PTPN18: variants seen among roughly 807,000 people sequenced by gnomAD.
The protein encoded by PTPN18 is tyrosine-protein phosphatase non-receptor type 18.
A neutral mutation model predicts 65.4 loss-of-function variants in PTPN18; 65 were observed. That is an observed-to-expected ratio of 0.99 (90% CI 0.81 to 1.22). The LOEUF (loss-of-function observed/expected upper bound fraction) is 1.22, where lower values mean the gene tolerates loss of function less well. Among genes scored for constraint, PTPN18 ranks in the 50% most tolerant of loss-of-function variants. The pLI, the probability that PTPN18 is intolerant of heterozygous loss-of-function variation, is 0.00. For synonymous variants in PTPN18, 255 were observed against 267.8 expected, an observed-to-expected ratio of 0.95 and a Z score of 0.47; for missense variants, 616 against 646.5, an observed-to-expected ratio of 0.95 and a Z score of 0.51.
intron 13 of PTPN18, 99 bp downstream of exon 13, chr2:130,372,582 AC>A: frequency 7.5e-7 from 1 of 1,340,180 alleles, no homozygotes; most frequent in Non-Finnish European, 9.8e-7. Flanking sequence ...GGCCGCGGGG[AC>A]CCCAGCCGCT....
chr2:130,361,095 C>A (rs1179131579), intron 5 of PTPN18, among the ~76,000 whole-genome samples: 1 of 152,158 alleles, frequency 6.6e-6, no homozygotes, highest in African/African-American at 2.4e-5. Flanking sequence ...GGTCAACTGA[C>A]AGACTTTTTA....
intron 13 of PTPN18, 102 bp from the exon 14 acceptor site, chr2:130,372,771 C>T (rs1444910722): frequency 1.4e-6 from 2 of 1,406,770 alleles, no homozygotes; most frequent in African/African-American, 2.9e-5. Context: ...GCGCCCTCGG[C>T]TCTCCCCTTC....
Position 130,372,899 on chromosome 2 carries a change from T to A in PTPN18, c.1267T>A (p.Ser423Thr). ...TCCTGCTGACCAAAGTCCTGCCGGA[T>A]CTGGCGCCTACGAGGACGTGGCGGG... ...RVPADQSPAG[S>T]GAYEDVAGGA... Residue 423 changes from serine (S) to threonine (T), a missense_variant, in exon 14 of 15, where the codon TCT becomes ACT. Around this residue, in one of 3 missense-constraint regions of PTPN18, gnomAD observed 368 missense variants for 386.7 expected, o/e 0.95. Coordinates refer to ENST00000175756, the MANE Select transcript of PTPN18 (RefSeq NM_014369.4). 6.8e-6 allele frequency: 11 copies of A among 1,614,134 alleles called. 2 individuals are homozygous for A. In the Middle Eastern group the frequency reaches 1.8e-3, roughly 266 times the overall value.
intron 5 of PTPN18, among the ~76,000 whole-genome samples, chr2:130,364,325 A>G (rs1373602503): frequency 2.0e-5 from 3 of 152,216 alleles, no homozygotes; most frequent in Admixed American, 6.5e-5. Context: ...ACACTAATAT[A>G]CAATACTTGT....
chr2:130,360,238 A>G (rs780835998), intron 5 of PTPN18, among the ~76,000 whole-genome samples: 1 of 152,240 alleles, frequency 6.6e-6, no homozygotes, highest in Non-Finnish European at 1.5e-5. Context: ...CAAATGTATT[A>G]TGTACATTGT....
Position 130,370,701 on chromosome 2 carries a change from C to G in PTPN18, c.757-4C>G. The G allele has an allele frequency of 6.2e-7, 1 of 1,614,170 alleles. No individual in the cohort carries two copies. Among genetic ancestry groups the G allele is most frequent in the Admixed American group, 1.7e-5 (1 of 60,030 alleles). ...TGCTCAAGTGCCTTGTCTGTCTGCCCCAGATGATCCCACCTGACTTCAGTC... is the reference window on the plus strand; with the variant it reads ...TGCTCAAGTGCCTTGTCTGTCTGCCGCAGATGATCCCACCTGACTTCAGTC... On this transcript the variant is annotated splice_polypyrimidine_tract_variant and splice_region_variant and intron_variant, in intron 9 of 14. Transcript: ENST00000175756.
Position 130,374,811 on chromosome 2 carries a change from C to G in PTPN18, c.*1587C>G, listed in dbSNP as rs1012343726. 7.0e-6 allele frequency: 3 copies of G among 425,952 alleles called. No individual in the cohort carries two copies. Among genetic ancestry groups the G allele is most frequent in the Admixed American group, 2.6e-5 (1 of 38,220 alleles). The allele number at this position is 425,952 out of a possible 1,614,324, so 26.4% of individuals were successfully genotyped here. On this transcript the variant is annotated 3_prime_UTR_variant, in exon 15 of 15. Coordinates refer to ENST00000175756, the MANE Select transcript of PTPN18 (RefSeq NM_014369.4). ...GCCTCTGCCTGGCTGCATCCATGGT[C>G]GATCTCAAGTGCCTTGGCATGAACT...
chr2:130,360,780 C>G (rs751059377), intron 5 of PTPN18, among the ~76,000 whole-genome samples: 3 of 151,752 alleles, frequency 2.0e-5, no homozygotes, highest in African/African-American at 4.8e-5. Flanking sequence ...TTCAAAGAAC[C>G]TGCTTTGGTT....
chr2:130,358,802 G>A, intron 1 of PTPN18, 65 bp from the exon 2 acceptor site: 1 of 1,393,634 alleles, frequency 7.2e-7, no homozygotes, highest in Middle Eastern at 1.8e-4. Context: ...TAGGTGGCCT[G>A]GGACTCTGAC....
At chr2:130,364,759 G>C (rs185210328) in intron 5 of PTPN18, among the ~76,000 whole-genome samples, 98 of 152,336 alleles carry the variant, frequency 6.4e-4, no homozygotes, top group Admixed American at 1.4e-3. Context: ...TCGCACCACC[G>C]CACTCCAGCC....
At chr2:130,368,403 C>T (rs774983338) in intron 5 of PTPN18, among the ~76,000 whole-genome samples, 9 of 152,130 alleles carry the variant, frequency 5.9e-5, no homozygotes, top group African/African-American at 1.7e-4. Flanking sequence ...TTAATTTAGC[C>T]GTACTTCTAA....
At chr2:130,360,653 G>A (rs1299701096) in intron 5 of PTPN18, among the ~76,000 whole-genome samples, 1 of 152,148 alleles carries the variant, frequency 6.6e-6, no homozygotes, top group Non-Finnish European at 1.5e-5. Flanking sequence ...CAGTGGCAGA[G>A]TTGAGTAGTT....
chr2:130,366,954 G>T (rs1231404993), intron 5 of PTPN18, among the ~76,000 whole-genome samples: 2 of 151,280 alleles, frequency 1.3e-5, no homozygotes, highest in Non-Finnish European at 2.9e-5. Flanking sequence ...CTGCCAAGTA[G>T]TTGGGAGTAC....
At chr2:130,363,183 T>C (rs748599022) in intron 5 of PTPN18, among the ~76,000 whole-genome samples, 1 of 149,136 alleles carries the variant, frequency 6.7e-6, no homozygotes, top group African/African-American at 2.4e-5. Flanking sequence ...ACATGGTGGC[T>C]CATGCCTGTA....
chr2:130,366,865 T>C (rs748034411), intron 5 of PTPN18, among the ~76,000 whole-genome samples: 1 of 151,990 alleles, frequency 6.6e-6, no homozygotes, highest in Non-Finnish European at 1.5e-5. Context: ...CACTCTGTCA[T>C]ACAGGCTGGA....
At chr2:130,361,526 C>A (rs1236832061) in intron 5 of PTPN18, among the ~76,000 whole-genome samples, 1 of 131,470 alleles carries the variant, frequency 7.6e-6, no homozygotes, top group Admixed American at 7.4e-5. Context: ...TTCTTTCTTT[C>A]TTTCTTTCTT....
intron 5 of PTPN18, among the ~76,000 whole-genome samples, chr2:130,363,054 C>T (rs755298961): frequency 1.2e-4 from 18 of 151,232 alleles, no homozygotes; most frequent in East Asian, 4.0e-4. Flanking sequence ...CTCCTGACCT[C>T]GTGATCCGCC....
At chr2:130,369,725 T>C in intron 6 of PTPN18, 40 bp from the exon 7 acceptor site, 1 of 1,518,364 alleles carries the variant, frequency 6.6e-7, no homozygotes. Flanking sequence ...TGATCTTTGT[T>C]CTCCTCCCTC....
intron 5 of PTPN18, chr2:130,362,207 C>CT (rs1558842842): frequency 2.1e-6 from 1 of 466,520 alleles, no homozygotes; most frequent in South Asian, 1.6e-5. Flanking sequence ...TGGCCTCAAG[C>CT]TGTCCTTCCA....
Sources: gnomAD v4.1 joint callset for allele counts (sites outside exome capture counted in the v4.1 genomes callset) on GRCh38, gnomAD v4.1.1 for gene constraint, gnomAD v4.1.1 regional missense constraint, MANE v1.5 for transcripts, NCBI Gene and HGNC (gene_info 2026-07-23, HGNC 2026-07-21) for gene names.